The following CPXM2 variants were observed in gnomAD, a reference collection of about 807,000 sequenced individuals.
CPXM2 encodes inactive carboxypeptidase-like protein X2.
A neutral mutation model predicts 86.1 loss-of-function variants in CPXM2; 66 were observed. The ratio of observed to expected loss-of-function variants is 0.77; its 90% CI spans 0.63 to 0.94. CPXM2 has a LOEUF of 0.94. CPXM2 is among the 40% of genes least tolerant of loss of function. CPXM2 has a pLI of 0.00. For synonymous variants in CPXM2, 388 were observed against 400.2 expected, an observed-to-expected ratio of 0.97 and a Z score of 0.36; for missense variants, 948 against 1,026.3, an observed-to-expected ratio of 0.92 and a Z score of 1.04.
intron 2 of CPXM2, among the ~76,000 whole-genome samples, chr10:123,874,899 G>A (rs1446034913): frequency 6.6e-6 from 1 of 152,196 alleles, no homozygotes; most frequent in East Asian, 1.9e-4. Context: ...CCACCTATGG[G>A]TGCTACCGAG....
intron 3 of CPXM2, among the ~76,000 whole-genome samples, chr10:123,843,055 ATTTG>A (rs1848418855): frequency 6.6e-6 from 1 of 152,184 alleles, no homozygotes; most frequent in East Asian, 1.9e-4. Context: ...TCCAGTGAAC[ATTTG>A]TTTGTTAGTG....
intron 3 of CPXM2, among the ~76,000 whole-genome samples, chr10:123,850,508 C>G (rs2134170429): frequency 6.6e-6 from 1 of 152,322 alleles, no homozygotes; most frequent in Admixed American, 6.5e-5. Context: ...TGTGAATCCT[C>G]CCTTTGTCTG....
intron 2 of CPXM2, among the ~76,000 whole-genome samples, chr10:123,900,597 C>T (rs1945373982): frequency 6.6e-6 from 1 of 152,246 alleles, no homozygotes; most frequent in Admixed American, 6.5e-5. Flanking sequence ...TTTTGGGGCA[C>T]CCCAGCACTG....
intron 4 of CPXM2, 93 bp from the exon 5 acceptor site, chr10:123,799,292 G>A: frequency 1.4e-6 from 2 of 1,480,762 alleles, no homozygotes; most frequent in Non-Finnish European, 1.9e-6. Context: ...AGGTGCCAGA[G>A]GCAGATGGCA....
chr10:123,766,920 G>C, intron 10 of CPXM2, 53 bp downstream of exon 10: 1 of 1,384,894 alleles, frequency 7.2e-7, no homozygotes, highest in East Asian at 2.3e-5. Context: ...AATACCAATG[G>C]AGGTTAAGCC....
At chr10:123,781,377 G>C (rs1487391933) in intron 6 of CPXM2, among the ~76,000 whole-genome samples, 3 of 152,320 alleles carry the variant, frequency 2.0e-5, no homozygotes, top group African/African-American at 7.2e-5. Context: ...GAGAGGACAG[G>C]GAGGAGCAAG....
chr10:123,911,594 C>T (rs1717464892), intron 2 of CPXM2, among the ~76,000 whole-genome samples: 1 of 151,840 alleles, frequency 6.6e-6, no homozygotes, highest in African/African-American at 2.4e-5. Flanking sequence ...GGAAACAGCT[C>T]CAAGAAACTC....
upstream of CPXM2, among the ~76,000 whole-genome samples, chr10:123,894,285 A>G (rs141997609): frequency 1.8e-4 from 28 of 152,336 alleles, no homozygotes; most frequent in Non-Finnish European, 3.5e-4. Flanking sequence ...GTGTCTGGTA[A>G]GTGTCCAGAG....
At chr10:123,895,366 C>T (rs988570239), upstream of CPXM2, among the ~76,000 whole-genome samples, 7 of 152,070 alleles carry the variant, frequency 4.6e-5, no homozygotes, top group Non-Finnish European at 1.0e-4. Context: ...TCAGGTGATC[C>T]ACCCGCCTTG....
At chr10:123,830,899 T>A (rs1848154362) in intron 4 of CPXM2, among the ~76,000 whole-genome samples, 1 of 152,064 alleles carries the variant, frequency 6.6e-6, no homozygotes, top group Admixed American at 6.5e-5. Context: ...TGTGTGTGTG[T>A]GTGTGTGTGT....
At chr10:123,837,105 C>G (rs1848297726) in intron 4 of CPXM2, among the ~76,000 whole-genome samples, 1 of 152,186 alleles carries the variant, frequency 6.6e-6, no homozygotes, top group Non-Finnish European at 1.5e-5. Context: ...GGCATCTTAC[C>G]CACTCCTTTC....
intron 2 of CPXM2, among the ~76,000 whole-genome samples, chr10:123,897,314 A>G (rs1033238031): frequency 3.9e-5 from 6 of 151,968 alleles, no homozygotes; most frequent in African/African-American, 1.5e-4. Context: ...TGGGTCTCTG[A>G]CTGATATCAT....
chr10:123,910,017 G>A (rs1002755119), intron 2 of CPXM2, among the ~76,000 whole-genome samples: 23 of 152,208 alleles, frequency 1.5e-4, no homozygotes, highest in African/African-American at 5.3e-4. Flanking sequence ...GGTGGGTGCA[G>A]CCAGGCAGCG....
At chr10:123,903,535 A>C (rs1182808988) in intron 2 of CPXM2, among the ~76,000 whole-genome samples, 1 of 152,134 alleles carries the variant, frequency 6.6e-6, no homozygotes, top group East Asian at 1.9e-4. Flanking sequence ...TGGGGTACCC[A>C]CCTGTCCTGT....
chr10:123,786,747 T>C (rs1847065489), intron 6 of CPXM2, among the ~76,000 whole-genome samples: 1 of 152,126 alleles, frequency 6.6e-6, no homozygotes, highest in African/African-American at 2.4e-5. Context: ...GACAAGATCC[T>C]TCCAGGCACA....
chr10:123,746,478 C>G lies in CPXM2; in HGVS notation c.*286G>C. 2.1e-6 allele frequency: 1 copy of G among 466,506 alleles called. No individual in the cohort carries two copies. The highest frequency in any genetic ancestry group is 3.8e-5 in the East Asian group (1 of 26,556). The allele number at this position is 466,506 out of a possible 1,614,324, so 28.9% of individuals were successfully genotyped here. ...AGGCTCTGAACGGACAGGCTCCCCT[C>G]CTTCTCCTTCTCTCTCTGATTCCCA... On this transcript the variant is annotated 3_prime_UTR_variant, in exon 14 of 14. Coordinates refer to ENST00000241305, the MANE Select transcript of CPXM2 (RefSeq NM_198148.3).
chr10:123,789,080 C>T (rs934263926), intron 6 of CPXM2, among the ~76,000 whole-genome samples: 1 of 152,122 alleles, frequency 6.6e-6, no homozygotes, highest in African/African-American at 2.4e-5. Flanking sequence ...ATGGTGTGAG[C>T]TGAGCACGAA....
intron 2 of CPXM2, among the ~76,000 whole-genome samples, chr10:123,906,138 C>T (rs1945437832): frequency 6.6e-6 from 1 of 152,216 alleles, no homozygotes; most frequent in African/African-American, 2.4e-5. Context: ...ACCCATCTCC[C>T]ACTCCGGATC....
chr10:123,816,965 G>T (rs1847825674), intron 4 of CPXM2, among the ~76,000 whole-genome samples: 1 of 151,374 alleles, frequency 6.6e-6, no homozygotes, highest in African/African-American at 2.4e-5. Flanking sequence ...GAATAAATTC[G>T]ACTAAAATTC....
Sources: allele counts gnomAD v4.1 joint callset (sites outside exome capture counted in the v4.1 genomes callset), GRCh38; gene constraint gnomAD v4.1.1; transcripts MANE v1.5; gene names NCBI Gene and HGNC (gene_info 2026-07-23, HGNC 2026-07-21).